TRPM4: variants seen among roughly 807,000 people sequenced by gnomAD.
The protein encoded by TRPM4 is calcium-activated non-selective cation channel 1.
Under a neutral mutation model 135.6 loss-of-function variants are expected in TRPM4, and 124 were observed. That is an observed-to-expected ratio of 0.91 (90% confidence interval 0.79 to 1.06). The LOEUF is 1.06. TRPM4 is among the 50% of genes least tolerant of loss of function. The probability of loss-of-function intolerance (pLI) is 0.00; values close to 1 mark genes in which losing one functional copy is unlikely to be tolerated. For synonymous variants in TRPM4, 745 were observed against 705.6 expected, an observed-to-expected ratio of 1.06 and a Z score of -0.88; for missense variants, 1,658 against 1,671.4, an observed-to-expected ratio of 0.99 and a Z score of 0.14.
At chr19:49,196,280 G>T (rs944239644) in intron 16 of TRPM4, among the ~76,000 whole-genome samples, 160 bp from the exon 17 acceptor site, 5 of 152,214 alleles carry the variant, frequency 3.3e-5, no homozygotes, top group African/African-American at 1.2e-4. Context: ...GAGGTCAGAG[G>T]TTAGATACAA....
At chr19:49,172,156 G>C in intron 9 of TRPM4, 48 bp downstream of exon 9, 1 of 1,437,516 alleles carries the variant, frequency 7.0e-7, no homozygotes. Context: ...TTCAACCTTA[G>C]ACACCTTTCC....
chr19:49,203,329 GCCA>G (rs1555763958), intron 20 of TRPM4, among the ~76,000 whole-genome samples: 1 of 151,554 alleles, frequency 6.6e-6, no homozygotes, highest in Non-Finnish European at 1.5e-5. Context: ...ACAGGCGTGC[GCCA>G]CCACACCTGG....
intron 2 of TRPM4, among the ~76,000 whole-genome samples, chr19:49,162,334 T>C (rs1454977060): frequency 1.3e-5 from 2 of 151,070 alleles, no homozygotes; most frequent in Non-Finnish European, 3.0e-5. Context: ...AGGTCAGGAG[T>C]TTGAGACCAG....
At chr19:49,161,041 C>T (rs548217839) in intron 2 of TRPM4, among the ~76,000 whole-genome samples, 13 of 151,912 alleles carry the variant, frequency 8.6e-5, no homozygotes, top group South Asian at 6.2e-4. Flanking sequence ...TGGGAAATGT[C>T]GCTGAGTGCA....
At chr19:49,203,861 C>A (rs1184803287) in intron 20 of TRPM4, among the ~76,000 whole-genome samples, 1 of 152,160 alleles carries the variant, frequency 6.6e-6, no homozygotes, top group African/African-American at 2.4e-5. Context: ...AGCGTGGTGG[C>A]TCATGCCTGT....
chr19:49,166,312 C>T lies in TRPM4; in HGVS notation c.267+97C>T, dbSNP rs536897053. On this transcript the variant is annotated intron_variant, in intron 3 of 24. Transcript: ENST00000252826. Reference sequence around the variant, plus strand: ...GGACGCCCGCCCTGAACCCTGGCCCCTCCGCCCATCCCTGTCTTGGCTCTC... The same window carrying T: ...GGACGCCCGCCCTGAACCCTGGCCCTTCCGCCCATCCCTGTCTTGGCTCTC... 1.8e-3 allele frequency: 2,365 copies of T among 1,293,228 alleles called. 36 individuals are homozygous for T. Among genetic ancestry groups the T allele is most frequent in the Non-Finnish European group, 7.2e-4 (688 of 952,970 alleles). 80.1% of individuals were successfully genotyped at this position (1,293,228 alleles called of 1,614,324 possible). A position where few individuals can be genotyped will look rare whatever the true frequency, so the allele number is the denominator to read the frequency against.
chr19:49,169,609 G>A (rs1332872172), intron 6 of TRPM4, among the ~76,000 whole-genome samples: 1 of 150,020 alleles, frequency 6.7e-6, no homozygotes, highest in African/African-American at 2.5e-5. Context: ...TAGAGATGAG[G>A]TTTCACCTTG....
rs1967306616 is a variant in TRPM4 at position 49,168,255 on chromosome 19, T to G, written c.449-5T>G. The G allele has an allele frequency of 1.2e-6, 2 of 1,614,112 alleles. No individual in the cohort carries two copies. The highest frequency in any genetic ancestry group is 8.5e-7 in the Non-Finnish European group (1 of 1,180,036). The stretch of plus-strand genomic sequence containing the variant: ...GCCTCTGCATGTTCCTCGGCGTCTG[T>G]GTAGGAGCCTGGATTGTCACTGGGG... On this transcript the variant is annotated splice_polypyrimidine_tract_variant and splice_region_variant and intron_variant, in intron 4 of 24. Coordinates refer to ENST00000252826, the MANE Select transcript of TRPM4 (RefSeq NM_017636.4).
chr19:49,180,543 T>C (rs80111480), intron 9 of TRPM4, among the ~76,000 whole-genome samples: 2,443 of 151,324 alleles, frequency 0.016, 45 homozygotes, highest in South Asian at 0.028. Flanking sequence ...CTTAGGGGCA[T>C]ACCTCCCAGT....
At chr19:49,163,374 T>G (rs1967043751) in intron 2 of TRPM4, among the ~76,000 whole-genome samples, 1 of 151,426 alleles carries the variant, frequency 6.6e-6, no homozygotes, top group Non-Finnish European at 1.5e-5. Flanking sequence ...TTTTGTATTT[T>G]TAGTAGAGAT....
chr19:49,182,834 T>C lies in TRPM4; in HGVS notation c.1520T>C (p.Leu507Pro). Residue 507 changes from leucine to proline, a missense_variant, in exon 11 of 25, where the codon CTG becomes CCG. Physicochemically the swap from Leu to Pro is moderately conservative, Grantham distance 98 (BLOSUM62 -3). Around this residue, in one of 3 missense-constraint regions of TRPM4, gnomAD observed 1,412 missense variants for 1,408.7 expected, o/e 1.00. Coordinates refer to ENST00000252826, the MANE Select transcript of TRPM4 (RefSeq NM_017636.4). ...ELRPPDVGHV[L>P]RMLLGKMCAP... ...CGGCCCCCTGACGTGGGGCATGTGCTGAGGATGCTGCTGGGGAAGATGTGC... is the reference window on the plus strand; with the variant it reads ...CGGCCCCCTGACGTGGGGCATGTGCCGAGGATGCTGCTGGGGAAGATGTGC... 2 of 1,613,024 alleles carry C rather than the reference T, an allele frequency of 1.2e-6. No individual in the cohort carries two copies. Among genetic ancestry groups the C allele is most frequent in the Non-Finnish European group, 8.5e-7 (1 of 1,179,744 alleles).
chr19:49,203,978 A>C (rs1195295714), intron 20 of TRPM4, among the ~76,000 whole-genome samples: 1 of 152,130 alleles, frequency 6.6e-6, no homozygotes, highest in Non-Finnish European at 1.5e-5. Flanking sequence ...AAATACAAAA[A>C]TTAGCTGGGC....
At chr19:49,169,789 C>T (rs926159332) in intron 6 of TRPM4, among the ~76,000 whole-genome samples, 6 of 150,324 alleles carry the variant, frequency 4.0e-5, no homozygotes, top group African/African-American at 9.8e-5. Context: ...AACTCGTGGT[C>T]GAAAGTGGTC....
At chr19:49,189,124 T>G (rs755919386) in intron 14 of TRPM4, 33 bp downstream of exon 14, 1 of 1,613,384 alleles carries the variant, frequency 6.2e-7, no homozygotes, top group Non-Finnish European at 8.5e-7. Flanking sequence ...TCCCAAACAG[T>G]CTCCAAGTGG....
At chr19:49,165,158 A>G (rs1967123508) in intron 2 of TRPM4, among the ~76,000 whole-genome samples, 1 of 152,116 alleles carries the variant, frequency 6.6e-6, no homozygotes, top group South Asian at 2.1e-4. Context: ...AAAGTTTTAT[A>G]TGTGGAAACT....
intron 20 of TRPM4, among the ~76,000 whole-genome samples, chr19:49,208,577 T>A (rs1197633624): frequency 6.6e-6 from 1 of 152,110 alleles, no homozygotes; most frequent in African/African-American, 2.4e-5. Flanking sequence ...TTTTCCTAGG[T>A]TATGATTGTA....
At chr19:49,174,960 G>C (rs1440013826) in intron 9 of TRPM4, among the ~76,000 whole-genome samples, 1 of 150,578 alleles carries the variant, frequency 6.6e-6, no homozygotes, top group East Asian at 2.0e-4. Context: ...CTGGAGTGCA[G>C]TGGTGTGATC....
In TRPM4 at chr19:49,171,443, C is replaced by T; in HGVS notation, c.858+25C>T. ...GGTATAGGGGCCCGGATGCCCGGAT[C>T]TAAGGGGGAAGGAGGGTTGGGGGCC... On this transcript the variant is annotated intron_variant, in intron 7 of 24. Coordinates refer to ENST00000252826, the MANE Select transcript of TRPM4 (RefSeq NM_017636.4). This position sits in a 1 kb window ranked among gnomAD's most constrained non-coding sequence, Gnocchi z 4.7. The T allele has an allele frequency of 2.5e-6, 4 of 1,613,804 alleles. No individual in the cohort carries two copies. The South Asian group carries it at 4.4e-5, about 18-fold the overall frequency.
intron 19 of TRPM4, 132 bp downstream of exon 19, chr19:49,200,917 T>A (rs1240759145): frequency 1.0e-6 from 1 of 971,564 alleles, no homozygotes; most frequent in Admixed American, 2.1e-5. Context: ...GATCTCTGAG[T>A]GATACCCTAT....
Sources: allele counts gnomAD v4.1 joint callset (sites outside exome capture counted in the v4.1 genomes callset), GRCh38; gene constraint gnomAD v4.1.1; regional missense constraint gnomAD v4.1.1; non-coding constraint Gnocchi (gnomAD v3.1); transcripts MANE v1.5; gene names NCBI Gene and HGNC (gene_info 2026-07-23, HGNC 2026-07-21).